OR6Y1: variants seen among roughly 807,000 people sequenced by gnomAD.
The protein encoded by OR6Y1 is olfactory receptor 6Y1.
Under a neutral mutation model 0.4 loss-of-function variants are expected in OR6Y1, and 1 was observed. That is an observed-to-expected ratio of 2.74 (90% CI 0.97 to 13.02). The LOEUF (loss-of-function observed/expected upper bound fraction) is 13.02. Among genes scored for constraint, OR6Y1 ranks in the 30% most tolerant of loss-of-function variants. The pLI, the probability that OR6Y1 is intolerant of heterozygous loss-of-function variation, is 0.12. For missense variants in OR6Y1, 480 were observed against 399.8 expected, an observed-to-expected ratio of 1.20 and a Z score of -1.71; for synonymous variants, 173 against 141.1, an observed-to-expected ratio of 1.23 and a Z score of -1.60.
intron 1 of OR6Y1, among the ~76,000 whole-genome samples, chr1:158,551,963 G>A (rs1372401334): frequency 6.6e-6 from 1 of 151,980 alleles, no homozygotes; most frequent in Non-Finnish European, 1.5e-5. Flanking sequence ...TATAAAACTA[G>A]CCATACTTTA....
rs1005487408 is a variant in OR6Y1, at chr1:158,548,731, T to C, written c.-626A>G. On this transcript the variant is annotated 5_prime_UTR_variant, in exon 2 of 2. Transcript: ENST00000641622. ...ACATGAAGGGTAATAGTTTCTTCAATACAATCCATTGTATAAAGTGCTTGC... is the reference window on the plus strand; with the variant it reads ...ACATGAAGGGTAATAGTTTCTTCAACACAATCCATTGTATAAAGTGCTTGC... 2.6e-5 allele frequency: 4 copies of C among 152,034 alleles called. No homozygotes were observed. The highest frequency in any genetic ancestry group is 5.9e-5 in the Non-Finnish European group (4 of 68,220). The allele number at this position is 152,034 out of a possible 1,614,324, so 9.4% of individuals were successfully genotyped here.
rs1306006733 is a variant in OR6Y1, at chr1:158,545,732, T to C, written c.*1396A>G. The C allele has an allele frequency of 6.6e-6, 1 of 152,202 alleles. No homozygotes were observed. The highest frequency in any genetic ancestry group is 1.5e-5 in the Non-Finnish European group (1 of 68,040). 9.4% of individuals were successfully genotyped at this position (152,202 alleles called of 1,614,324 possible). ...GTATGGTTTGCCAAAAATGTTTTCATTCTGTAGGTTGTTTGTTCACTCTGT... is the reference window on the plus strand; with the variant it reads ...GTATGGTTTGCCAAAAATGTTTTCACTCTGTAGGTTGTTTGTTCACTCTGT... On this transcript the variant is annotated 3_prime_UTR_variant, in exon 2 of 2. Coordinates refer to ENST00000641622, the MANE Select transcript of OR6Y1 (RefSeq NM_001005189.2).
At chr1:158,551,072 T>G (rs1647691843) in intron 1 of OR6Y1, among the ~76,000 whole-genome samples, 1 of 151,742 alleles carries the variant, frequency 6.6e-6, no homozygotes, top group African/African-American at 2.4e-5. Flanking sequence ...TATAATCCAC[T>G]GATTTTTGTG....
chr1:158,552,576 G>T (rs1419477013), intron 1 of OR6Y1, among the ~76,000 whole-genome samples: 1 of 152,078 alleles, frequency 6.6e-6, no homozygotes, highest in Admixed American at 6.6e-5. Flanking sequence ...GTGGGAAAAT[G>T]AGGTATAGGG....
In OR6Y1 at chr1:158,546,974, T is replaced by TAAAACTA. The variant is rs1647553739; in HGVS notation, c.*153_*154insTAGTTTT. 1.5e-6 allele frequency: 1 copy of TAAAACTA among 673,218 alleles called. No individual in the cohort carries two copies. Among genetic ancestry groups the TAAAACTA allele is most frequent in the Admixed American group, 3.1e-5 (1 of 32,656 alleles). 41.7% of individuals were successfully genotyped at this position (673,218 alleles called of 1,614,324 possible). The stretch of plus-strand genomic sequence containing the variant: ...TCTTGAGAACATGTTTCTCCAGTCA[T>TAAAACTA]GATTGTGTATACACACACACACACA... On this transcript the variant is annotated 3_prime_UTR_variant, in exon 2 of 2. Transcript: ENST00000641622.
At chr1:158,553,799 G>A (rs976193755) in intron 1 of OR6Y1, among the ~76,000 whole-genome samples, 1 of 151,914 alleles carries the variant, frequency 6.6e-6, no homozygotes, top group Non-Finnish European at 1.5e-5. Flanking sequence ...GAGTAGATTT[G>A]GAATCTGTGC....
chr1:158,552,450 G>A (rs978634467), intron 1 of OR6Y1, among the ~76,000 whole-genome samples: 46 of 152,068 alleles, frequency 3.0e-4, no homozygotes, highest in Non-Finnish European at 5.0e-4. Flanking sequence ...CACCAGAGAG[G>A]ACCAAGAGGC....
chr1:158,547,667 C>A lies in OR6Y1; in HGVS notation c.439G>T (p.Gly147Cys). The A allele has an allele frequency of 6.2e-7, 1 of 1,613,486 alleles. No individual in the cohort carries two copies. Among genetic ancestry groups the A allele is most frequent in the African/African-American group, 1.3e-5 (1 of 74,528 alleles). Residue 147 changes from glycine (G) to cysteine (C), a missense_variant, in exon 2 of 2, where the codon GGC (glycine) becomes TGC (cysteine). Transcript: ENST00000641622. ...YPVIMTNQLC[G>C]TLAGGCWFCG... ...AACCAGCATCCTCCAGCCAGTGTGC[C>A]ACAGAGCTGGTTGGTCATGATGACT...
At chr1:158,549,896 T>C (rs898190537) in intron 1 of OR6Y1, among the ~76,000 whole-genome samples, 1 of 151,610 alleles carries the variant, frequency 6.6e-6, no homozygotes, top group Non-Finnish European at 1.5e-5. Flanking sequence ...TGTAGGCCAG[T>C]CTCCATCTTG....
chr1:158,553,067 G>GA (rs1647741794), intron 1 of OR6Y1, among the ~76,000 whole-genome samples: 1 of 152,056 alleles, frequency 6.6e-6, no homozygotes, highest in Non-Finnish European at 1.5e-5. Context: ...AGACTTTAGT[G>GA]AAAAAATATC....
chr1:158,552,445 G>C (rs2101710486), intron 1 of OR6Y1, among the ~76,000 whole-genome samples: 1 of 152,146 alleles, frequency 6.6e-6, no homozygotes, highest in East Asian at 1.9e-4. Context: ...CCTTCCACCA[G>C]AGAGGACCAA....
intron 1 of OR6Y1, among the ~76,000 whole-genome samples, chr1:158,553,180 T>C (rs1303326675): frequency 6.6e-6 from 1 of 152,224 alleles, no homozygotes; most frequent in African/African-American, 2.4e-5. Flanking sequence ...AAAAGTGGCT[T>C]AATTTCTATG....
chr1:158,548,049 A>C lies in OR6Y1; in HGVS notation c.57T>G (p.Leu19=). 1 of 1,613,588 alleles carries C rather than the reference A, an allele frequency of 6.2e-7. No individual in the cohort carries two copies. Residue 19 remains leucine, a synonymous_variant, in exon 2 of 2, where the codon CTT becomes CTG. Transcript: ENST00000641622. The part of the protein sequence containing the change: ...DNHTVTTRFI[L]LGFPTRPAFQ... ...AGGCTGGTCGTGTTGGAAACCCCAGAAGAATGAAACGTGTTGTCACTGTAT... is the reference window on the plus strand; with the variant it reads ...AGGCTGGTCGTGTTGGAAACCCCAGCAGAATGAAACGTGTTGTCACTGTAT...
Position 158,547,484 on chromosome 1 carries a change from C to T in OR6Y1, c.622G>A (p.Ala208Thr). 4.3e-6 allele frequency: 7 copies of T among 1,613,392 alleles called. No homozygotes were observed. The South Asian group carries it at 7.7e-5, about 18-fold the overall frequency. Reference sequence around the variant, plus strand: ...AGAGGAATAGCAATGACCATGAGGGCCAAGAAGAAGTCCACCATCTCAGCC... The same window carrying T: ...AGAGGAATAGCAATGACCATGAGGGTCAAGAAGAAGTCCACCATCTCAGCC... Reference protein sequence around the residue: ...SQAEMVDFFLALMVIAIPLCV... With the variant: ...SQAEMVDFFLTLMVIAIPLCV... The change falls in exon 2 of 2, where the codon GCC (alanine) becomes ACC (threonine). Residue 208 changes from alanine (A) to threonine (T), a missense_variant. Ala to Thr is a moderately conservative substitution (Grantham distance 58). Transcript: ENST00000641622.
chr1:158,545,804 C>T lies in OR6Y1; in HGVS notation c.*1324G>A, dbSNP rs534605466. ...AGAAGCTTGTCAGTTTAATTACATC[C>T]CATTTGTCAATTTTTGTTTTTTAAT... is the stretch of plus-strand genomic sequence containing the variant. On this transcript the variant is annotated 3_prime_UTR_variant, in exon 2 of 2. Coordinates refer to ENST00000641622, the MANE Select transcript of OR6Y1 (RefSeq NM_001005189.2). 2.2e-4 allele frequency: 33 copies of T among 152,216 alleles called. No homozygotes were observed. The highest frequency in any genetic ancestry group is 2.0e-3 in the Admixed American group (30 of 15,280). 9.4% of individuals were successfully genotyped at this position (152,216 alleles called of 1,614,324 possible). A position where few individuals can be genotyped will look rare whatever the true frequency, so the allele number is the denominator to read the frequency against.
intron 1 of OR6Y1, among the ~76,000 whole-genome samples, chr1:158,551,980 A>C (rs1342123208): frequency 6.6e-6 from 1 of 152,112 alleles, no homozygotes; most frequent in African/African-American, 2.4e-5. Context: ...TTTAAATAAG[A>C]GAAACTTTTG....
rs1477987934 is a variant in OR6Y1, at chr1:158,546,789, C to CATTTATTTTG, written c.*329_*338dup. On this transcript the variant is annotated 3_prime_UTR_variant, in exon 2 of 2. Transcript: ENST00000641622. Reference sequence around the variant, plus strand: ...ATATTTAATTGTTTGTCCTGTATGGCATTTATTTTGATAAGTTGTGTGGAA... The same window carrying CATTTATTTTG: ...ATATTTAATTGTTTGTCCTGTATGGCATTTATTTTGATTTATTTTGATAAGTTGTGTGGAA... The CATTTATTTTG allele has an allele frequency of 5.0e-6, 1 of 199,794 alleles. No homozygotes were observed. The highest frequency in any genetic ancestry group is 1.0e-5 in the Non-Finnish European group (1 of 97,554). 12.4% of individuals were successfully genotyped at this position (199,794 alleles called of 1,614,324 possible).
chr1:158,545,028 T>G lies in OR6Y1; in HGVS notation c.*2100A>C, dbSNP rs1340203736. The G allele has an allele frequency of 1.3e-5, 2 of 152,124 alleles. No homozygotes were observed. The highest frequency in any genetic ancestry group is 4.8e-5 in the African/African-American group (2 of 41,428). The allele number at this position is 152,124 out of a possible 1,614,324, so 9.4% of individuals were successfully genotyped here. On this transcript the variant is annotated 3_prime_UTR_variant, in exon 2 of 2. Transcript: ENST00000641622. ...GCATGTGTCTTTATAGTAGAATGAT[T>G]TATATTCCTTTAGGTATATACCCAG...
intron 1 of OR6Y1, among the ~76,000 whole-genome samples, chr1:158,550,036 G>T (rs543235484): frequency 6.6e-6 from 1 of 151,828 alleles, no homozygotes; most frequent in South Asian, 2.1e-4. Flanking sequence ...AGTCTCCAGA[G>T]CCATGTCCTT....
Sources: allele counts gnomAD v4.1 joint callset (sites outside exome capture counted in the v4.1 genomes callset), GRCh38; gene constraint gnomAD v4.1.1; transcripts MANE v1.5; gene names NCBI Gene and HGNC (gene_info 2026-07-23, HGNC 2026-07-21).